Variants in VPS13A observed in about 807,000 individuals in gnomAD.
VPS13A encodes the protein intermembrane lipid transfer protein VPS13A.
In VPS13A, 264 loss-of-function variants were observed where a neutral mutation model predicts 390.9. The ratio of observed to expected loss-of-function variants is 0.68; its 90% CI spans 0.61 to 0.75. VPS13A has a LOEUF of 0.75. VPS13A is among the 30% of genes least tolerant of loss of function. The probability of loss-of-function intolerance (pLI) is 0.00; values close to 1 mark genes in which losing one functional copy is unlikely to be tolerated. For synonymous variants in VPS13A, 1,231 were observed against 1,227.1 expected (o/e 1.00, Z -0.07); for missense variants, 3,409 against 3,733.9 (o/e 0.91, Z 2.27).
chr9:77,177,584 G>C lies in VPS13A; in HGVS notation c.-121G>C. ...AGGGCTGCGCGTTGGGCCAGCGGGG[G>C]CGCCGCAGCTGAAGCCGCCCCGGAG... On this transcript the variant is annotated 5_prime_UTR_variant, in exon 1 of 72. Transcript: ENST00000360280. 1 of 874,368 alleles carries C rather than the reference G, an allele frequency of 1.1e-6. No homozygotes were observed. Among genetic ancestry groups the C allele is most frequent in the Non-Finnish European group, 1.8e-6 (1 of 545,860 alleles). 54.2% of individuals were successfully genotyped at this position (874,368 alleles called of 1,614,324 possible). A position where few individuals can be genotyped will look rare whatever the true frequency, so the allele number is the denominator to read the frequency against.
At chr9:77,198,469 T>C (rs1040403478) in intron 1 of VPS13A, among the ~76,000 whole-genome samples, 3 of 152,208 alleles carry the variant, frequency 2.0e-5, no homozygotes, top group Non-Finnish European at 2.9e-5. Context: ...CTTGTGGTAT[T>C]ATGTCTGCAC....
Position 77,405,771 on chromosome 9 carries a change from C to T in VPS13A, c.9276-93C>T, listed in dbSNP as rs1834571679. 2.7e-6 allele frequency: 4 copies of T among 1,488,442 alleles called. No homozygotes were observed. In the South Asian group the frequency reaches 3.4e-5, roughly 13 times the overall value. The allele number at this position is 1,488,442 out of a possible 1,614,324, so 92.2% of individuals were successfully genotyped here. A position where few individuals can be genotyped will look rare whatever the true frequency, so the allele number is the denominator to read the frequency against. On this transcript the variant is annotated intron_variant, in intron 69 of 71. Transcript: ENST00000360280. ...ATATAGTCTATGTTGATGAATATTG[C>T]ATTTGCACTTGCGATTCATTCGTAT...
chr9:77,206,918 T>A (rs1413360896), intron 5 of VPS13A, among the ~76,000 whole-genome samples: 2 of 152,024 alleles, frequency 1.3e-5, no homozygotes, highest in Non-Finnish European at 2.9e-5. Context: ...AATAGAGATT[T>A]AACATGTAAT....
intron 67 of VPS13A, 140 bp downstream of exon 67, chr9:77,371,289 G>A (rs1587678045): frequency 7.9e-7 from 1 of 1,259,964 alleles, no homozygotes; most frequent in Non-Finnish European, 1.1e-6. Flanking sequence ...CCACAGACTG[G>A]GTAATTTATA....
At chr9:77,365,411 T>C in intron 59 of VPS13A, 49 bp from the exon 60 acceptor site, 1 of 1,202,674 alleles carries the variant, frequency 8.3e-7, no homozygotes, top group East Asian at 2.4e-5. Flanking sequence ...CTTAAATATC[T>C]CATGCAGGTA....
rs1309716400 is a variant in VPS13A, at chr9:77,418,546, A to G, written c.*2540A>G. 1 of 152,204 alleles carries G rather than the reference A, an allele frequency of 6.6e-6. No homozygotes were observed. The highest frequency in any genetic ancestry group is 1.5e-5 in the Non-Finnish European group (1 of 68,046). The allele number at this position is 152,204 out of a possible 1,614,324, so 9.4% of individuals were successfully genotyped here. A position where few individuals can be genotyped will look rare whatever the true frequency, so the allele number is the denominator to read the frequency against. On this transcript the variant is annotated 3_prime_UTR_variant, in exon 72 of 72. Coordinates refer to ENST00000360280, the MANE Select transcript of VPS13A (RefSeq NM_033305.3). ...CAGTGTCTTCCCTTTTAGAGTATAC[A>G]TATTTGCTGCTTTTCCTTTAGTGTT...
chr9:77,210,160 CCTCTCT>C (rs150244384), intron 6 of VPS13A, among the ~76,000 whole-genome samples: 15 of 107,494 alleles, frequency 1.4e-4, no homozygotes, highest in African/African-American at 3.9e-4. Context: ...CCCCCACCTC[CCTCTCT>C]CTCTCTCTCT....
At chr9:77,336,759 TTGA>T (rs1830556607) in intron 46 of VPS13A, among the ~76,000 whole-genome samples, 1 of 151,862 alleles carries the variant, frequency 6.6e-6, no homozygotes, top group Admixed American at 6.6e-5. Flanking sequence ...GTCAAACAAC[TTGA>T]TGAGCTTCCA....
rs984447727 is a variant in VPS13A at position 77,240,487 on chromosome 9, T to G, written c.1900+2101T>G. Among the ~76,000 whole-genome samples the G allele has an allele frequency of 7.3e-5, 11 of 150,556 alleles. No individual in the cohort carries two copies. In the East Asian group the frequency reaches 7.7e-4, roughly 11 times the overall value. ...TTTTTGTTATGTTTTTGTTTTTTTT[T>G]TTTTTTTTTGACAGTGTCTTGTTCT... On this transcript the variant is annotated intron_variant, in intron 19 of 71. Coordinates refer to ENST00000360280, the MANE Select transcript of VPS13A (RefSeq NM_033305.3).
chr9:77,207,246 TATATATAA>T (rs1286321929), intron 5 of VPS13A, among the ~76,000 whole-genome samples: 5 of 118,946 alleles, frequency 4.2e-5, no homozygotes, highest in Admixed American at 2.5e-4. Context: ...TATATATATA[TATATATAA>T]AACGTGTTAT....
intron 23 of VPS13A, among the ~76,000 whole-genome samples, chr9:77,265,228 G>C (rs1263956149): frequency 6.6e-6 from 1 of 152,158 alleles, no homozygotes; most frequent in Non-Finnish European, 1.5e-5. Flanking sequence ...TCACATTGAC[G>C]TTCATCAGGG....
chr9:77,344,150 T>C lies in VPS13A; in HGVS notation c.7027-3T>C. On this transcript the variant is annotated splice_region_variant and splice_polypyrimidine_tract_variant and intron_variant, in intron 50 of 71. Coordinates refer to ENST00000360280, the MANE Select transcript of VPS13A (RefSeq NM_033305.3). Reference sequence around the variant, plus strand: ...TTATAAACATATATAATGTATATTTTAGTGTATCCCCTTTTGGCCTGAGTA... The same window carrying C: ...TTATAAACATATATAATGTATATTTCAGTGTATCCCCTTTTGGCCTGAGTA... 1 of 1,585,436 alleles carries C rather than the reference T, an allele frequency of 6.3e-7. No individual in the cohort carries two copies.
At chr9:77,395,629 A>T (rs1271272804) in intron 68 of VPS13A, 1 of 152,184 alleles carries the variant, frequency 6.6e-6, no homozygotes, top group African/African-American at 2.4e-5. Flanking sequence ...ATACAATAAA[A>T]TGGAGTATAA....
At chr9:77,295,497 CGTAT>C in intron 32 of VPS13A, 41 bp from the exon 33 acceptor site, 2 of 1,448,236 alleles carry the variant, frequency 1.4e-6, no homozygotes, top group Non-Finnish European at 1.8e-6. Context: ...TTTAATAAGT[CGTAT>C]TTATTAATAA....
At position 77,413,528 on chromosome 9, in the gene VPS13A, A is replaced by G. The variant is rs376439706; in HGVS notation, c.9475-2428A>G. Among the ~76,000 whole-genome samples, 67 of 152,222 alleles carry G rather than the reference A, an allele frequency of 4.4e-4. 1 individual carries two copies. In the East Asian group the frequency reaches 0.012, roughly 26 times the overall value. On this transcript the variant is annotated intron_variant, in intron 71 of 71. Transcript: ENST00000360280. ...TTTAATAAATGGTGCTGGGAAAACT[A>G]GCTAGCCATATGTAGAAAGCTGAAA... is the stretch of plus-strand genomic sequence containing the variant.
At chr9:77,197,882 AT>A (rs1825096344) in intron 1 of VPS13A, among the ~76,000 whole-genome samples, 1 of 152,198 alleles carries the variant, frequency 6.6e-6, no homozygotes, top group Admixed American at 6.5e-5. Flanking sequence ...CATCATCGTT[AT>A]TCTTGACTGA....
rs746770274 is a variant in VPS13A at position 77,307,988 on chromosome 9, T to G, written c.4004T>G (p.Leu1335Trp). The G allele has an allele frequency of 1.9e-6, 3 of 1,603,436 alleles. No homozygotes were observed. The highest frequency in any genetic ancestry group is 2.6e-6 in the Non-Finnish European group (3 of 1,170,488). ...QEDITTIFKT[L>W]HGNIWYEKDG... ...GATATAACAACTATTTTTAAAACAT[T>G]GCATGGCAATATATGGTATGAAAAA... The change falls in exon 35 of 72, where the codon TTG becomes TGG. Residue 1335 changes from leucine to tryptophan, a missense_variant. By Grantham distance (61) the Leu-to-Trp change is moderately conservative. Transcript: ENST00000360280.
intron 32 of VPS13A, among the ~76,000 whole-genome samples, chr9:77,295,120 G>GT (rs991547014): frequency 6.0e-5 from 9 of 150,732 alleles, no homozygotes; most frequent in Non-Finnish European, 1.0e-4. Context: ...TGTCATTGAA[G>GT]TTTTTTTTTG....
At chr9:77,321,377 ATCTG>A (rs1462509797) in intron 43 of VPS13A, 50 bp downstream of exon 43, 1 of 1,581,314 alleles carries the variant, frequency 6.3e-7, no homozygotes, top group South Asian at 1.1e-5. Context: ...TGTCTGATTG[ATCTG>A]TCTGTTGAAT....
Sources: gnomAD v4.1 joint callset for allele counts (sites outside exome capture counted in the v4.1 genomes callset) on GRCh38, gnomAD v4.1.1 for gene constraint, MANE v1.5 for transcripts, NCBI Gene and HGNC (gene_info 2026-07-23, HGNC 2026-07-21) for gene names.